HCN1: variants seen among roughly 807,000 people sequenced by gnomAD.
HCN1 encodes hyperpolarization activated cyclic nucleotide gated potassium channel 1.
A neutral mutation model predicts 78.9 loss-of-function variants in HCN1; 13 were observed. That is an observed-to-expected ratio of 0.16 (90% CI 0.11 to 0.26). The LOEUF is 0.26. Ranked by LOEUF, HCN1 falls within the 10% of genes least tolerant of loss-of-function variation. The pLI, the probability that HCN1 is intolerant of heterozygous loss-of-function variation, is 1.00. For missense variants in HCN1, 810 were observed against 1,154.3 expected (o/e 0.70, Z 4.32); for synonymous variants, 552 against 455.5 (o/e 1.21, Z -2.70).
intron 5 of HCN1, among the ~76,000 whole-genome samples, chr5:45,306,724 A>G (rs1745742041): frequency 6.6e-6 from 1 of 152,144 alleles, no homozygotes; most frequent in Admixed American, 6.6e-5. Flanking sequence ...TGAGGCAAAT[A>G]AAACACACTG....
At chr5:45,284,963 C>A (rs1026169841) in intron 6 of HCN1, among the ~76,000 whole-genome samples, 3 of 152,028 alleles carry the variant, frequency 2.0e-5, no homozygotes, top group Non-Finnish European at 4.4e-5. Flanking sequence ...CTAAGTGGAA[C>A]TTCCACAAGT....
chr5:45,659,660 G>A (rs1354515676), intron 1 of HCN1, among the ~76,000 whole-genome samples: 3 of 142,184 alleles, frequency 2.1e-5, no homozygotes, highest in African/African-American at 8.1e-5. Context: ...GAAGAATGCA[G>A]AAGCCTCAGG....
At chr5:45,302,091 A>G (rs940401714) in intron 6 of HCN1, among the ~76,000 whole-genome samples, 4 of 152,090 alleles carry the variant, frequency 2.6e-5, no homozygotes, top group Non-Finnish European at 4.4e-5. Context: ...CAGAAATACA[A>G]ATAATTAGGG....
At chr5:45,402,358 C>T (rs1739831232) in intron 3 of HCN1, among the ~76,000 whole-genome samples, 1 of 152,130 alleles carries the variant, frequency 6.6e-6, no homozygotes, top group Non-Finnish European at 1.5e-5. Context: ...GGAGACATGG[C>T]AACATACAAC....
chr5:45,583,372 TC>T (rs1744129808), intron 2 of HCN1, among the ~76,000 whole-genome samples: 1 of 152,184 alleles, frequency 6.6e-6, no homozygotes, highest in South Asian at 2.1e-4. Context: ...AGCGGTGACA[TC>T]CCCTTTATCA....
At chr5:45,444,804 T>C (rs1437384054) in intron 3 of HCN1, among the ~76,000 whole-genome samples, 1 of 142,804 alleles carries the variant, frequency 7.0e-6, no homozygotes, top group Non-Finnish European at 1.5e-5. Flanking sequence ...CTTTCTTTTA[T>C]TATTATTATT....
At chr5:45,304,297 G>GTT (rs60299810) in intron 5 of HCN1, among the ~76,000 whole-genome samples, 4 of 145,490 alleles carry the variant, frequency 2.7e-5, no homozygotes, top group African/African-American at 7.4e-5. Flanking sequence ...ACATTTTGAT[G>GTT]TTTTTTTTTT....
chr5:45,586,167 C>T (rs1036039883), intron 2 of HCN1, among the ~76,000 whole-genome samples: 1 of 152,192 alleles, frequency 6.6e-6, no homozygotes, highest in Non-Finnish European at 1.5e-5. Context: ...CGCAGCTGGG[C>T]TCCACCCAGT....
At chr5:45,369,434 A>G (rs568979715) in intron 4 of HCN1, among the ~76,000 whole-genome samples, 2 of 152,124 alleles carry the variant, frequency 1.3e-5, no homozygotes, top group Non-Finnish European at 2.9e-5. Flanking sequence ...AAGCCAAAAT[A>G]TTTCAATAAC....
intron 2 of HCN1, among the ~76,000 whole-genome samples, chr5:45,622,030 C>T (rs896917176): frequency 2.0e-5 from 3 of 151,942 alleles, no homozygotes; most frequent in African/African-American, 4.8e-5. Flanking sequence ...ACCATCCTGG[C>T]TAACACGGTG....
chr5:45,289,084 C>T lies in HCN1; in HGVS notation c.1618+14515G>A, dbSNP rs375235924. ...TTTTGGGGGGCATTATACAATATAACCTTAAGAACATTTTAAACCTAAATA... is the reference window on the plus strand; with the variant it reads ...TTTTGGGGGGCATTATACAATATAATCTTAAGAACATTTTAAACCTAAATA... On this transcript the variant is annotated intron_variant, in intron 6 of 7. Transcript: ENST00000303230. 6.6e-5 allele frequency among the ~76,000 whole-genome samples: 10 copies of T among 152,090 alleles called. No homozygotes were observed. In the East Asian group the frequency reaches 1.9e-3, roughly 30 times the overall value.
At chr5:45,605,720 T>C (rs1180575548) in intron 2 of HCN1, among the ~76,000 whole-genome samples, 2 of 152,030 alleles carry the variant, frequency 1.3e-5, no homozygotes, top group Non-Finnish European at 2.9e-5. Context: ...AGTCCTCATC[T>C]GAATGAGGAC....
intron 5 of HCN1, among the ~76,000 whole-genome samples, chr5:45,304,982 C>G (rs1198621045): frequency 6.6e-6 from 1 of 152,070 alleles, no homozygotes; most frequent in African/African-American, 2.4e-5. Context: ...ACAGAAGAGA[C>G]AGTGGAAATT....
chr5:45,599,244 T>A (rs1744574135), intron 2 of HCN1, among the ~76,000 whole-genome samples: 1 of 152,008 alleles, frequency 6.6e-6, no homozygotes, highest in Non-Finnish European at 1.5e-5. Flanking sequence ...AAAGGATGAG[T>A]TGATGTCCTT....
intron 4 of HCN1, among the ~76,000 whole-genome samples, chr5:45,381,045 T>A (rs1322104674): frequency 6.6e-6 from 1 of 152,154 alleles, no homozygotes; most frequent in Admixed American, 6.6e-5. Flanking sequence ...GCAAAGCTCT[T>A]TTGAAGGCAA....
At chr5:45,631,042 C>A (rs1745261684) in intron 2 of HCN1, among the ~76,000 whole-genome samples, 1 of 152,106 alleles carries the variant, frequency 6.6e-6, no homozygotes, top group South Asian at 2.1e-4. Context: ...AGATGGTTGT[C>A]TGGGACCAAA....
intron 5 of HCN1, among the ~76,000 whole-genome samples, chr5:45,333,633 C>G (rs542299768): frequency 2.1e-4 from 32 of 151,560 alleles, no homozygotes; most frequent in Non-Finnish European, 3.8e-4. Context: ...TGGATTTAAG[C>G]CTATAATACA....
chr5:45,508,065 A>C (rs1014238210), intron 2 of HCN1, among the ~76,000 whole-genome samples: 1 of 152,134 alleles, frequency 6.6e-6, no homozygotes, highest in Non-Finnish European at 1.5e-5. Context: ...CCATAAACAA[A>C]AGCACTGAAA....
chr5:45,609,905 T>C (rs988685149), intron 2 of HCN1, among the ~76,000 whole-genome samples: 1 of 152,082 alleles, frequency 6.6e-6, no homozygotes, highest in Admixed American at 6.6e-5. Flanking sequence ...TTTTGAGGAA[T>C]GTTGAGTAAT....
Sources: allele counts gnomAD v4.1 joint callset (sites outside exome capture counted in the v4.1 genomes callset), GRCh38; gene constraint gnomAD v4.1.1; transcripts MANE v1.5; gene names NCBI Gene and HGNC (gene_info 2026-07-23, HGNC 2026-07-21).